SCHIP1: variants seen among roughly 807,000 people sequenced by gnomAD.
The protein encoded by SCHIP1 is schwannomin interacting protein 1.
Under a neutral mutation model 29.7 loss-of-function variants are expected in SCHIP1, and 8 were observed. That is an observed-to-expected ratio of 0.27 (90% CI 0.16 to 0.49). The LOEUF (loss-of-function observed/expected upper bound fraction) is 0.49, where lower values mean the gene tolerates loss of function less well. Among genes scored for constraint, SCHIP1 ranks in the 20% least tolerant of loss-of-function variants. The probability of loss-of-function intolerance (pLI) is 0.99; values close to 1 mark genes in which losing one functional copy is unlikely to be tolerated. For missense variants in SCHIP1, 193 were observed against 294.6 expected (o/e 0.66, Z 2.52); for synonymous variants, 76 against 94.9 (o/e 0.80, Z 1.16).
chr3:159,411,186 G>A, the SCHIP1 span, among the ~76,000 whole-genome samples: 1 of 152,176 alleles, frequency 6.6e-6, no homozygotes, highest in South Asian at 2.1e-4. Context: ...AATATTGTTA[G>A]CTAGAATAAA....
At chr3:159,695,973 C>T in the SCHIP1 span, among the ~76,000 whole-genome samples, 1 of 152,096 alleles carries the variant, frequency 6.6e-6, no homozygotes, top group Admixed American at 6.6e-5. Context: ...ATTGCCCTAC[C>T]GCACCCCCCA....
the SCHIP1 span, among the ~76,000 whole-genome samples, chr3:159,748,634 G>T: frequency 6.6e-6 from 1 of 152,220 alleles, no homozygotes. Flanking sequence ...CTAATGCTCA[G>T]GATGAAGAAT....
At chr3:159,451,398 CATCT>C in the SCHIP1 span, among the ~76,000 whole-genome samples, 1 of 152,208 alleles carries the variant, frequency 6.6e-6, no homozygotes, top group Admixed American at 6.5e-5. Flanking sequence ...CACAACCATT[CATCT>C]ATTTCTTTTT....
At chr3:159,526,316 G>T in the SCHIP1 span, among the ~76,000 whole-genome samples, 39 of 152,096 alleles carry the variant, frequency 2.6e-4, no homozygotes, top group African/African-American at 9.2e-4. Context: ...CTATAGGGGT[G>T]CACCACTGTG....
At chr3:159,759,591 T>C in the SCHIP1 span, among the ~76,000 whole-genome samples, 1 of 152,180 alleles carries the variant, frequency 6.6e-6, no homozygotes, top group Non-Finnish European at 1.5e-5. Context: ...GTCATAAAGT[T>C]GGTTAGAGAT....
the SCHIP1 span, among the ~76,000 whole-genome samples, chr3:159,822,256 G>C: frequency 6.6e-6 from 1 of 152,114 alleles, no homozygotes; most frequent in Admixed American, 6.6e-5. Context: ...GAGAATAATT[G>C]ATTGAGTTAA....
At chr3:159,502,286 C>T in the SCHIP1 span, among the ~76,000 whole-genome samples, 13 of 151,984 alleles carry the variant, frequency 8.6e-5, no homozygotes, top group Admixed American at 5.9e-4. Context: ...GTATTGTGTG[C>T]GTTATGTGCA....
the SCHIP1 span, among the ~76,000 whole-genome samples, chr3:159,519,863 A>G: frequency 2.6e-5 from 1 of 38,678 alleles, no homozygotes; most frequent in Non-Finnish European, 5.4e-5. Context: ...GTCATGAAGA[A>G]AAAAAAAATA....
At chr3:159,812,891 T>G in the SCHIP1 span, among the ~76,000 whole-genome samples, 1 of 152,188 alleles carries the variant, frequency 6.6e-6, no homozygotes, top group Non-Finnish European at 1.5e-5. Context: ...TGGCATCTTC[T>G]CAGCTTCAGG....
chr3:159,604,512 G>A, the SCHIP1 span, among the ~76,000 whole-genome samples: 2 of 152,154 alleles, frequency 1.3e-5, no homozygotes, highest in Non-Finnish European at 2.9e-5. Flanking sequence ...CAGGCACTGT[G>A]CCAGGGGCTG....
the SCHIP1 span, among the ~76,000 whole-genome samples, chr3:159,539,261 T>C: frequency 2.9e-5 from 4 of 139,290 alleles, 2 homozygotes; most frequent in Non-Finnish European, 3.3e-5. Flanking sequence ...CTTAGGGTTA[T>C]AATTTTTTAT....
chr3:159,646,057 A>C, the SCHIP1 span, among the ~76,000 whole-genome samples: 3 of 152,156 alleles, frequency 2.0e-5, no homozygotes, highest in Non-Finnish European at 2.9e-5. Context: ...ATTAGTCAGA[A>C]AGTGGGCAAA....
At chr3:159,307,796 GCCAGTTATC>G in the SCHIP1 span, among the ~76,000 whole-genome samples, 3 of 152,098 alleles carry the variant, frequency 2.0e-5, no homozygotes, top group Non-Finnish European at 4.4e-5. Context: ...TGTATAGCCA[GCCAGTTATC>G]CCAGCACCAT....
At chr3:159,341,208 AGC>A in the SCHIP1 span, among the ~76,000 whole-genome samples, 655 of 151,994 alleles carry the variant, frequency 4.3e-3, 4 homozygotes, top group Non-Finnish European at 7.3e-3. Context: ...TCCCTTTCCT[AGC>A]TTTTGAAGTG....
the SCHIP1 span, among the ~76,000 whole-genome samples, chr3:159,313,079 A>G: frequency 6.6e-6 from 1 of 152,230 alleles, no homozygotes; most frequent in African/African-American, 2.4e-5. Flanking sequence ...TGTAGCTCAG[A>G]TTAGCAACTA....
At chr3:159,497,361 C>T in the SCHIP1 span, among the ~76,000 whole-genome samples, 1 of 151,980 alleles carries the variant, frequency 6.6e-6, no homozygotes, top group Non-Finnish European at 1.5e-5. Context: ...TGTTCTATCA[C>T]ATGTTCTTCA....
chr3:159,826,753 T>TA, the SCHIP1 span, among the ~76,000 whole-genome samples: 9 of 152,254 alleles, frequency 5.9e-5, no homozygotes, highest in African/African-American at 2.2e-4. Context: ...TAGTAAATAA[T>TA]AAAAAAGCCC....
At chr3:159,772,803 C>G in the SCHIP1 span, among the ~76,000 whole-genome samples, 1 of 152,178 alleles carries the variant, frequency 6.6e-6, no homozygotes, top group African/African-American at 2.4e-5. Context: ...TACAGTGGCG[C>G]AATCTCAGCT....
the SCHIP1 span, among the ~76,000 whole-genome samples, chr3:159,453,992 G>A: frequency 6.6e-6 from 1 of 152,186 alleles, no homozygotes; most frequent in Non-Finnish European, 1.5e-5. Context: ...CCCAAGCTAG[G>A]CCATGAATTT....
Sources: allele counts gnomAD v4.1 joint callset (sites outside exome capture counted in the v4.1 genomes callset), GRCh38; gene constraint gnomAD v4.1.1; transcripts MANE v1.5; gene names NCBI Gene and HGNC (gene_info 2026-07-23, HGNC 2026-07-21).